RANBP2: variants seen among roughly 807,000 people sequenced by gnomAD.
RANBP2 encodes the protein E3 SUMO-protein ligase RanBP2.
In RANBP2, 57 loss-of-function variants were observed where a neutral mutation model predicts 303.6. That is an observed-to-expected ratio of 0.19 (90% CI 0.15 to 0.23). RANBP2 has a LOEUF of 0.23. RANBP2 is among the 10% of genes least tolerant of loss of function. RANBP2 has a pLI of 1.00. For synonymous variants in RANBP2, 1,167 were observed against 1,301.5 expected, an observed-to-expected ratio of 0.90 and a Z score of 2.23; for missense variants, 3,138 against 3,780.8, an observed-to-expected ratio of 0.83 and a Z score of 4.46.
the RANBP2 span, among the ~76,000 whole-genome samples, chr2:108,973,633 G>A: frequency 4.6e-5 from 7 of 152,206 alleles, no homozygotes; most frequent in African/African-American, 1.4e-4. Flanking sequence ...AAGAACAGAA[G>A]GAGAAATGCA....
chr2:109,482,074 G>C, the RANBP2 span, among the ~76,000 whole-genome samples: 1 of 152,178 alleles, frequency 6.6e-6, no homozygotes, highest in African/African-American at 2.4e-5. Flanking sequence ...AGGCAGTAGA[G>C]CCACAGTTAA....
chr2:108,937,233 C>T, the RANBP2 span, among the ~76,000 whole-genome samples: 3 of 152,352 alleles, frequency 2.0e-5, no homozygotes, highest in Admixed American at 6.5e-5. Context: ...CTTTCATTTG[C>T]AAACTCCCTG....
At chr2:109,398,138 C>T in the RANBP2 span, among the ~76,000 whole-genome samples, 1 of 152,192 alleles carries the variant, frequency 6.6e-6, no homozygotes, top group Non-Finnish European at 1.5e-5. Context: ...CAGTCACATG[C>T]TTTGAAATCT....
At chr2:109,614,848 A>T in the RANBP2 span, 1 of 1,402,812 alleles carries the variant, frequency 7.1e-7, no homozygotes, top group Non-Finnish European at 9.2e-7. Context: ...CGGCTCCCCG[A>T]CGCGGCGGCC....
At chr2:109,122,447 G>A in the RANBP2 span, among the ~76,000 whole-genome samples, 5 of 152,372 alleles carry the variant, frequency 3.3e-5, no homozygotes, top group East Asian at 5.8e-4. Context: ...GCTGAGGACT[G>A]CCCCTGGTGT....
At chr2:109,161,296 G>A in the RANBP2 span, among the ~76,000 whole-genome samples, 3 of 152,150 alleles carry the variant, frequency 2.0e-5, no homozygotes, top group Admixed American at 6.5e-5. Context: ...AGAGTTAGGA[G>A]TGTGTAGGAA....
chr2:109,120,820 A>C, the RANBP2 span, among the ~76,000 whole-genome samples: 1 of 152,080 alleles, frequency 6.6e-6, no homozygotes, highest in African/African-American at 2.4e-5. Context: ...TACTTCCCTC[A>C]CATGTCCAAA....
chr2:109,492,792 G>A, the RANBP2 span, among the ~76,000 whole-genome samples: 1 of 152,102 alleles, frequency 6.6e-6, no homozygotes, highest in African/African-American at 2.4e-5. Flanking sequence ...CCAGTCCTGT[G>A]TAGTCACAGG....
the RANBP2 span, among the ~76,000 whole-genome samples, chr2:109,123,013 A>G: frequency 1.1e-4 from 16 of 152,336 alleles, no homozygotes; most frequent in Admixed American, 9.8e-4. Flanking sequence ...GTGAACTAGT[A>G]ACATGAGAAA....
At chr2:109,615,356 C>T in the RANBP2 span, 1 of 1,612,626 alleles carries the variant, frequency 6.2e-7, no homozygotes, top group South Asian at 1.1e-5. Flanking sequence ...TGCTCACCTG[C>T]GAGCCCGGCC....
chr2:109,480,355 TGAACA>T, the RANBP2 span, among the ~76,000 whole-genome samples: 327 of 152,256 alleles, frequency 2.1e-3, no homozygotes, highest in African/African-American at 7.4e-3. Flanking sequence ...ATGGGAGAAC[TGAACA>T]GAAGACATAA....
the RANBP2 span, among the ~76,000 whole-genome samples, chr2:109,216,588 C>T: frequency 2.1e-4 from 32 of 152,248 alleles, no homozygotes; most frequent in African/African-American, 7.7e-4. Context: ...TGGGGCAGAG[C>T]GTTTCCTGAA....
the RANBP2 span, among the ~76,000 whole-genome samples, chr2:109,500,691 G>A: frequency 7.0e-4 from 107 of 152,264 alleles, 1 homozygote; most frequent in Non-Finnish European, 2.5e-4. Flanking sequence ...GCTCATGCTC[G>A]TAATCCCAGC....
At chr2:109,315,677 G>C in the RANBP2 span, among the ~76,000 whole-genome samples, 1 of 152,208 alleles carries the variant, frequency 6.6e-6, no homozygotes, top group Non-Finnish European at 1.5e-5. Flanking sequence ...ATAAAGGGGC[G>C]AGCTCTGTCT....
At chr2:108,839,191 C>T in the RANBP2 span, 1 of 1,601,228 alleles carries the variant, frequency 6.2e-7, no homozygotes, top group Non-Finnish European at 8.5e-7. Flanking sequence ...TTAGCTTTTG[C>T]CTCTAATGAC....
At chr2:109,211,354 G>A in the RANBP2 span, among the ~76,000 whole-genome samples, 1 of 152,242 alleles carries the variant, frequency 6.6e-6, no homozygotes, top group Non-Finnish European at 1.5e-5. Flanking sequence ...ACAGTAAACA[G>A]CAATTTAATG....
At chr2:108,733,516 T>A (rs1695343017) in intron 4 of RANBP2, among the ~76,000 whole-genome samples, 1 of 152,168 alleles carries the variant, frequency 6.6e-6, no homozygotes, top group African/African-American at 2.4e-5. Context: ...AAGTACAGAT[T>A]TTTGAAGCTG....
the RANBP2 span, among the ~76,000 whole-genome samples, chr2:108,871,035 C>T: frequency 0.027 from 4,089 of 151,818 alleles, 172 homozygotes; most frequent in African/African-American, 0.094. Context: ...TGAAATGAAC[C>T]TCATTATTTA....
the RANBP2 span, among the ~76,000 whole-genome samples, chr2:109,655,575 C>T: frequency 6.6e-6 from 1 of 152,128 alleles, no homozygotes; most frequent in African/African-American, 2.4e-5. Flanking sequence ...CAGCACCCAC[C>T]CAGTGTGCAT....
Sources: allele counts gnomAD v4.1 joint callset (sites outside exome capture counted in the v4.1 genomes callset), GRCh38; gene constraint gnomAD v4.1.1; transcripts MANE v1.5; gene names NCBI Gene and HGNC (gene_info 2026-07-23, HGNC 2026-07-21).